The following PRKD1 variants were observed in gnomAD, a reference collection of about 807,000 sequenced individuals.
The protein encoded by PRKD1 is serine/threonine-protein kinase D1.
A neutral mutation model predicts 95.9 loss-of-function variants in PRKD1; 63 were observed. The observed-to-expected ratio is 0.66, with a 90% CI of 0.54 to 0.81. The LOEUF is 0.81. Ranked by LOEUF, PRKD1 falls within the 30% of genes least tolerant of loss-of-function variation. The pLI is 0.00. For synonymous variants in PRKD1, 425 were observed against 423.1 expected (o/e 1.00, Z -0.05); for missense variants, 1,048 against 1,165.3 (o/e 0.90, Z 1.47).
chr14:29,771,002 CAA>C (rs951253564), intron 1 of PRKD1, among the ~76,000 whole-genome samples: 22 of 135,774 alleles, frequency 1.6e-4, no homozygotes, highest in African/African-American at 2.7e-5. Flanking sequence ...AAAGAATAAA[CAA>C]AGTGTTGAGG....
intron 1 of PRKD1, among the ~76,000 whole-genome samples, chr14:29,887,777 C>T (rs1281728592): frequency 6.6e-6 from 1 of 152,150 alleles, no homozygotes; most frequent in Non-Finnish European, 1.5e-5. Context: ...CAGTAATGTG[C>T]TGTACAGTTA....
intron 1 of PRKD1, among the ~76,000 whole-genome samples, chr14:29,826,854 T>C (rs1303258988): frequency 1.6e-4 from 15 of 94,044 alleles, no homozygotes; most frequent in African/African-American, 5.4e-4. Flanking sequence ...CATATATATA[T>C]ATATATATAT....
At chr14:29,692,702 C>G (rs1476064869) in intron 2 of PRKD1, among the ~76,000 whole-genome samples, 1 of 152,130 alleles carries the variant, frequency 6.6e-6, no homozygotes, top group Non-Finnish European at 1.5e-5. Context: ...TTCACTAATT[C>G]AGATTACTCT....
chr14:29,754,926 G>A (rs546058202), intron 1 of PRKD1, among the ~76,000 whole-genome samples: 1 of 152,046 alleles, frequency 6.6e-6, no homozygotes, highest in East Asian at 1.9e-4. Context: ...CCAAAAGCAT[G>A]GGTAGTTTCT....
intron 1 of PRKD1, among the ~76,000 whole-genome samples, chr14:29,777,731 T>C (rs986343937): frequency 5.5e-4 from 84 of 152,214 alleles, no homozygotes; most frequent in African/African-American, 2.0e-3. Context: ...ATTAGACAGA[T>C]CAACGAGACA....
intron 4 of PRKD1, among the ~76,000 whole-genome samples, chr14:29,659,549 T>G (rs1566520422): frequency 6.6e-6 from 1 of 152,146 alleles, no homozygotes; most frequent in East Asian, 1.9e-4. Flanking sequence ...TGCCAACAAG[T>G]TTTCCAAAGT....
chr14:29,918,399 A>AC (rs140698165), intron 1 of PRKD1, among the ~76,000 whole-genome samples: 3,510 of 152,180 alleles, frequency 0.023, 145 homozygotes, highest in African/African-American at 0.081. Flanking sequence ...ACTTATTATG[A>AC]CCCCAATGAC....
intron 1 of PRKD1, among the ~76,000 whole-genome samples, chr14:29,916,943 C>T (rs1894911659): frequency 6.6e-6 from 1 of 152,088 alleles, no homozygotes; most frequent in Admixed American, 6.5e-5. Context: ...CTGAAAAGGA[C>T]ATAGCCACTT....
chr14:29,704,203 T>C (rs1884972465), intron 2 of PRKD1, among the ~76,000 whole-genome samples: 1 of 152,022 alleles, frequency 6.6e-6, no homozygotes, highest in Non-Finnish European at 1.5e-5. Context: ...GAAAGGCCTG[T>C]TTATAAAAGA....
At chr14:29,780,720 A>G (rs1227939693) in intron 1 of PRKD1, among the ~76,000 whole-genome samples, 1 of 152,222 alleles carries the variant, frequency 6.6e-6, no homozygotes, top group African/African-American at 2.4e-5. Flanking sequence ...CCATCGTGGA[A>G]GACAGTGTGG....
intron 4 of PRKD1, among the ~76,000 whole-genome samples, chr14:29,654,196 G>C (rs1009642571): frequency 6.6e-6 from 1 of 151,826 alleles, no homozygotes; most frequent in East Asian, 1.9e-4. Flanking sequence ...TTTTGAGACA[G>C]AGTCTCATTC....
intron 8 of PRKD1, 63 bp downstream of exon 8, chr14:29,634,355 C>T (rs1395406809): frequency 4.3e-6 from 7 of 1,610,476 alleles, no homozygotes; most frequent in Non-Finnish European, 5.9e-6. Context: ...CCTCACGGGA[C>T]ATTAGCAACT....
intron 2 of PRKD1, among the ~76,000 whole-genome samples, chr14:29,705,455 GT>G (rs35890847): frequency 0.21 from 31,027 of 146,964 alleles, 3,668 homozygotes; most frequent in African/African-American, 0.34. Flanking sequence ...GCCAGATTCT[GT>G]TTTTTTTTTT....
intron 2 of PRKD1, among the ~76,000 whole-genome samples, chr14:29,710,462 C>T (rs542010209): frequency 6.6e-6 from 1 of 152,180 alleles, no homozygotes; most frequent in South Asian, 2.1e-4. Flanking sequence ...AGAAAGACGT[C>T]CAATAAACCC....
chr14:29,609,808 C>T (rs1490867697), intron 13 of PRKD1, among the ~76,000 whole-genome samples: 1 of 150,964 alleles, frequency 6.6e-6, no homozygotes, highest in East Asian at 2.0e-4. Context: ...ATCTGTCTGC[C>T]TCAGCCTCCC....
At chr14:29,792,970 A>C (rs1160006142) in intron 1 of PRKD1, among the ~76,000 whole-genome samples, 1 of 152,096 alleles carries the variant, frequency 6.6e-6, no homozygotes, top group Non-Finnish European at 1.5e-5. Context: ...AAAAGCATAC[A>C]TGGAAATGTA....
intron 16 of PRKD1, among the ~76,000 whole-genome samples, chr14:29,585,407 T>C (rs142899637): frequency 1.3e-5 from 2 of 152,174 alleles, no homozygotes; most frequent in Non-Finnish European, 2.9e-5. Context: ...CTGTAGAAAG[T>C]TATTCTATCA....
At chr14:29,882,806 T>C (rs536575396) in intron 1 of PRKD1, among the ~76,000 whole-genome samples, 34 of 152,348 alleles carry the variant, frequency 2.2e-4, no homozygotes, top group Non-Finnish European at 2.5e-4. Flanking sequence ...GATTCATCAA[T>C]AGTCTATCAT....
chr14:29,885,685 A>T (rs1893676974), intron 1 of PRKD1, among the ~76,000 whole-genome samples: 1 of 151,800 alleles, frequency 6.6e-6, no homozygotes, highest in Non-Finnish European at 1.5e-5. Context: ...CATGTTTTTC[A>T]GGGGGCATGG....
Sources: gnomAD v4.1 joint callset for allele counts (sites outside exome capture counted in the v4.1 genomes callset) on GRCh38, gnomAD v4.1.1 for gene constraint, MANE v1.5 for transcripts, NCBI Gene and HGNC (gene_info 2026-07-23, HGNC 2026-07-21) for gene names.